The following ZFP41 variants were observed in gnomAD, a reference collection of about 807,000 sequenced individuals.
ZFP41 encodes the protein zinc finger protein 41 homolog.
In ZFP41, 10 loss-of-function variants were observed where a neutral mutation model predicts 11.6. The observed-to-expected ratio is 0.86, with a 90% CI of 0.53 to 1.47. ZFP41 has a LOEUF of 1.47. Among genes scored for constraint, ZFP41 ranks in the 40% most tolerant of loss-of-function variants. The probability of loss-of-function intolerance (pLI) is 0.00; values close to 1 mark genes in which losing one functional copy is unlikely to be tolerated. For missense variants in ZFP41, 302 were observed against 264.6 expected, an observed-to-expected ratio of 1.14 and a Z score of -0.98; for synonymous variants, 123 against 100.9, an observed-to-expected ratio of 1.22 and a Z score of -1.31.
Position 143,254,063 on chromosome 8 carries a change from C to T in ZFP41, c.*900+2723C>T, listed in dbSNP as rs555519793. Among the ~76,000 whole-genome samples the T allele has an allele frequency of 1.3e-4, 20 of 152,312 alleles. No individual in the cohort carries two copies. In the South Asian group the frequency reaches 3.5e-3, roughly 27 times the overall value. On this transcript the variant is annotated intron_variant, in intron 2 of 2. Coordinates refer to ENST00000330701, the MANE Select transcript of ZFP41 (RefSeq NM_173832.6). ...ACAGGAGGCGGAGCTTAGGCGGTAACGCTCACTCGCCTGCCACCCACCTCC... is the reference window on the plus strand; with the variant it reads ...ACAGGAGGCGGAGCTTAGGCGGTAATGCTCACTCGCCTGCCACCCACCTCC...
At chr8:143,257,946 C>G (rs558620814) in intron 2 of ZFP41, among the ~76,000 whole-genome samples, 15 of 152,340 alleles carry the variant, frequency 9.8e-5, no homozygotes, top group Admixed American at 8.5e-4. Flanking sequence ...GAAACACACC[C>G]TGTGTTATTT....
At position 143,250,630 on chromosome 8, in the gene ZFP41, G is replaced by A. The variant is rs777494626; in HGVS notation, c.*190G>A. 2.3e-6 allele frequency: 2 copies of A among 870,846 alleles called. No individual in the cohort carries two copies. The highest frequency in any genetic ancestry group is 3.5e-6 in the Non-Finnish European group (2 of 573,202). 53.9% of individuals were successfully genotyped at this position (870,846 alleles called of 1,614,324 possible). On this transcript the variant is annotated 3_prime_UTR_variant, in exon 2 of 3. Coordinates refer to ENST00000330701, the MANE Select transcript of ZFP41 (RefSeq NM_173832.6). The stretch of plus-strand genomic sequence containing the variant: ...CCAGCGAGGGAGAGACCTTTCCACT[G>A]CAGAGAGTCTCTCTGATCAAGACAC...
intron 2 of ZFP41, among the ~76,000 whole-genome samples, chr8:143,258,662 A>G (rs1437821109): frequency 2.0e-5 from 3 of 152,242 alleles, no homozygotes; most frequent in Admixed American, 2.0e-4. Context: ...AAAATGGCCA[A>G]AACAGGAGTT....
chr8:143,251,310 C>T lies in ZFP41; in HGVS notation c.*870C>T, dbSNP rs1814747500. 6.0e-6 allele frequency: 1 copy of T among 166,872 alleles called. No individual in the cohort carries two copies. Among genetic ancestry groups the T allele is most frequent in the Non-Finnish European group, 1.5e-5 (1 of 68,340 alleles). 10.3% of individuals were successfully genotyped at this position (166,872 alleles called of 1,614,324 possible). A position where few individuals can be genotyped will look rare whatever the true frequency, so the allele number is the denominator to read the frequency against. ...TCGGCCTTCCGACGTGGGCGGTGGG[C>T]CCCAGCCCCACAGACCAGCCCAGCA... On this transcript the variant is annotated 3_prime_UTR_variant, in exon 2 of 3. Coordinates refer to ENST00000330701, the MANE Select transcript of ZFP41 (RefSeq NM_173832.6).
rs147227382 is a variant in ZFP41, at chr8:143,250,078, A to G, written c.235A>G (p.Ile79Val). ...KDDFEGVPVF[I>V]PFQRKKPYEC... The stretch of plus-strand genomic sequence containing the variant: ...TGACTTTGAGGGGGTTCCCGTGTTC[A>G]TTCCTTTTCAGAGGAAGAAACCCTA... Residue 79 changes from isoleucine to valine, a missense_variant, in exon 2 of 3, where the codon ATT becomes GTT. Coordinates refer to ENST00000330701, the MANE Select transcript of ZFP41 (RefSeq NM_173832.6). 35,334 of 1,614,152 alleles carry G rather than the reference A, an allele frequency of 0.022. 462 individuals carry two copies. The highest frequency in any genetic ancestry group is 0.026 in the Non-Finnish European group (30,513 of 1,180,034).
intron 2 of ZFP41, among the ~76,000 whole-genome samples, 165 bp from the exon 3 acceptor site, chr8:143,259,609 GC>G (rs1209404777): frequency 6.6e-6 from 1 of 151,124 alleles, no homozygotes. Context: ...TGATCTTGAG[GC>G]CCCCCCGCCC....
chr8:143,250,259 G>C lies in ZFP41; in HGVS notation c.416G>C (p.Gly139Ala). ...DVTKHQRTHTGEKPFKCGECG... is the reference protein window; with the variant it reads ...DVTKHQRTHTAEKPFKCGECG... ...ACCAAACACCAGAGGACTCACACGG[G>C]AGAGAAGCCCTTCAAATGCGGGGAG... is the stretch of plus-strand genomic sequence containing the variant. The change falls in exon 2 of 3, where the codon GGA becomes GCA. Residue 139 changes from glycine to alanine, a missense_variant. Transcript: ENST00000330701. 1.2e-6 allele frequency: 2 copies of C among 1,614,116 alleles called. No individual in the cohort carries two copies. Among genetic ancestry groups the C allele is most frequent in the Non-Finnish European group, 1.7e-6 (2 of 1,180,040 alleles).
In ZFP41 at chr8:143,261,675, G is replaced by A. The variant is rs1048437797; in HGVS notation, c.*2801G>A. 2.4e-4 allele frequency: 39 copies of A among 159,552 alleles called. No homozygotes were observed. The highest frequency in any genetic ancestry group is 8.0e-4 in the African/African-American group (33 of 41,404). 9.9% of individuals were successfully genotyped at this position (159,552 alleles called of 1,614,324 possible). On this transcript the variant is annotated 3_prime_UTR_variant, in exon 3 of 3. Transcript: ENST00000330701. The stretch of plus-strand genomic sequence containing the variant: ...AGACCGGGCCTAACGCTGCTGTCTC[G>A]CAGTCACCCCTGCAGGCCGCTCAGG...
chr8:143,258,867 G>A (rs756946787), intron 2 of ZFP41, among the ~76,000 whole-genome samples: 6 of 152,220 alleles, frequency 3.9e-5, no homozygotes, highest in African/African-American at 9.6e-5. Context: ...TGGCCAGGTC[G>A]GATTCGGATC....
In ZFP41 at chr8:143,249,108, C is replaced by T. The variant is rs184694131; in HGVS notation, c.-154-582C>T. On this transcript the variant is annotated intron_variant, in intron 1 of 2. Coordinates refer to ENST00000330701, the MANE Select transcript of ZFP41 (RefSeq NM_173832.6). ...TGACCAAGAACTAATACAAAGGGTA[C>T]GGAATATTATTTCTTAGAATATGAC... 1.7e-3 allele frequency: 259 copies of T among 152,350 alleles called. 1 individual carries two copies. The highest frequency in any genetic ancestry group is 2.8e-3 in the Non-Finnish European group (191 of 68,054). 9.4% of individuals were successfully genotyped at this position (152,350 alleles called of 1,614,324 possible).
At position 143,250,379 on chromosome 8, in the gene ZFP41, C is replaced by G. The variant is rs1816780754; in HGVS notation, c.536C>G (p.Ala179Gly). The part of the protein sequence containing the change: ...KPYECTHCGK[A>G]FAYSSCLIRH... ...TACGAATGCACGCACTGTGGGAAAG[C>G]CTTTGCCTACAGCTCCTGTCTCATC... Residue 179 changes from alanine to glycine, a missense_variant, in exon 2 of 3, where the codon GCC becomes GGC. Physicochemically the swap from Ala to Gly is moderately conservative, Grantham distance 60. Transcript: ENST00000330701. The G allele has an allele frequency of 4.3e-6, 7 of 1,613,994 alleles. No individual in the cohort carries two copies. In the East Asian group the frequency reaches 1.6e-4, roughly 36 times the overall value.
Position 143,249,884 on chromosome 8 carries a change from C to T in ZFP41, c.41C>T (p.Pro14Leu). ...PAGRKKKTPT[P>L]REEADVQKSA... ...GGCAGAAAAAAGAAGACGCCGACCC[C>T]AAGGGAGGAGGCAGACGTGCAGAAG... The change falls in exon 2 of 3, where the codon CCA becomes CTA. Residue 14 changes from proline to leucine, a missense_variant. Coordinates refer to ENST00000330701, the MANE Select transcript of ZFP41 (RefSeq NM_173832.6). 1 of 1,609,658 alleles carries T rather than the reference C, an allele frequency of 6.2e-7. No individual in the cohort carries two copies. Among genetic ancestry groups the T allele is most frequent in the Non-Finnish European group, 8.5e-7 (1 of 1,178,612 alleles).
chr8:143,250,605 C>A lies in ZFP41; in HGVS notation c.*165C>A. 8.8e-7 allele frequency: 1 copy of A among 1,140,778 alleles called. No individual in the cohort carries two copies. Among genetic ancestry groups the A allele is most frequent in the Non-Finnish European group, 1.2e-6 (1 of 815,090 alleles). The allele number at this position is 1,140,778 out of a possible 1,614,324, so 70.7% of individuals were successfully genotyped here. ...CAGCCCAGTCAGATGTGGGAACGTG[C>A]CAGCGAGGGAGAGACCTTTCCACTG... is the stretch of plus-strand genomic sequence containing the variant. On this transcript the variant is annotated 3_prime_UTR_variant, in exon 2 of 3. Coordinates refer to ENST00000330701, the MANE Select transcript of ZFP41 (RefSeq NM_173832.6).
rs545270453 is a variant in ZFP41 at position 143,250,775 on chromosome 8, TGTTTG to T, written c.*337_*341del. 6 of 359,698 alleles carry T rather than the reference TGTTTG, an allele frequency of 1.7e-5. No homozygotes were observed. The highest frequency in any genetic ancestry group is 8.9e-4 in the Middle Eastern group (1 of 1,124). 22.3% of individuals were successfully genotyped at this position (359,698 alleles called of 1,614,324 possible). A position where few individuals can be genotyped will look rare whatever the true frequency, so the allele number is the denominator to read the frequency against. Reference sequence around the variant, plus strand: ...AGTATTCACTGCCATCCATTGGACGTGTTTGGGTCACCTCAGAGCACCCAGCAGGA... The same window carrying T: ...AGTATTCACTGCCATCCATTGGACGTGGTCACCTCAGAGCACCCAGCAGGA... On this transcript the variant is annotated 3_prime_UTR_variant, in exon 2 of 3. Transcript: ENST00000330701.
intron 2 of ZFP41, among the ~76,000 whole-genome samples, chr8:143,256,855 C>T (rs1470159263): frequency 6.6e-6 from 1 of 152,220 alleles, no homozygotes; most frequent in African/African-American, 2.4e-5. Flanking sequence ...GAACTCCTGA[C>T]GTCACAGCAG....
At chr8:143,252,656 C>T in intron 2 of ZFP41, 5 of 984,058 alleles carry the variant, frequency 5.1e-6, no homozygotes, top group Non-Finnish European at 4.8e-6. Flanking sequence ...AGGTAGGTGG[C>T]AAGTCCCGTG....
At chr8:143,259,109 A>G (rs1431739462) in intron 2 of ZFP41, among the ~76,000 whole-genome samples, 1 of 152,258 alleles carries the variant, frequency 6.6e-6, no homozygotes, top group African/African-American at 2.4e-5. Flanking sequence ...GCCTGTCGGT[A>G]GCGAAGCGGG....
At chr8:143,255,978 A>G (rs374655682) in intron 2 of ZFP41, among the ~76,000 whole-genome samples, 88 of 29,222 alleles carry the variant, frequency 3.0e-3, no homozygotes, top group South Asian at 4.5e-3. Context: ...CCCGCGTGCT[A>G]GAGTTAGTGA....
rs1215981394 is a variant in ZFP41, at chr8:143,261,924, CA to C, written c.*3051del. 639 of 152,048 alleles carry C rather than the reference CA, an allele frequency of 4.2e-3. 39 individuals carry two copies. The highest frequency in any genetic ancestry group is 0.016 in the East Asian group (65 of 4,094). 9.4% of individuals were successfully genotyped at this position (152,048 alleles called of 1,614,324 possible). ...CACGCCCGTCTCCGGCAGCACCTGC[CA>C]CGCCCGTCTCCGGCAGCACCTGCCA... On this transcript the variant is annotated 3_prime_UTR_variant, in exon 3 of 3. Coordinates refer to ENST00000330701, the MANE Select transcript of ZFP41 (RefSeq NM_173832.6).
Sources: gnomAD v4.1 joint callset for allele counts (sites outside exome capture counted in the v4.1 genomes callset) on GRCh38, gnomAD v4.1.1 for gene constraint, MANE v1.5 for transcripts, NCBI Gene and HGNC (gene_info 2026-07-23, HGNC 2026-07-21) for gene names.